LGR5: variants seen among roughly 807,000 people sequenced by gnomAD.
The protein encoded by LGR5 is leucine-rich repeat-containing G protein-coupled receptor 5.
LGR5 carries 54 observed loss-of-function variants against 76.7 expected under a neutral mutation model. The observed-to-expected ratio is 0.70, with a 90% CI of 0.57 to 0.88. The LOEUF (loss-of-function observed/expected upper bound fraction) is 0.88, where lower values mean the gene tolerates loss of function less well. Among genes scored for constraint, LGR5 ranks in the 40% least tolerant of loss-of-function variants. LGR5 has a pLI of 0.00. For synonymous variants in LGR5, 406 were observed against 421.9 expected (o/e 0.96, Z 0.46); for missense variants, 1,078 against 1,073.3 (o/e 1.00, Z -0.06).
At position 71,557,035 on chromosome 12, in the gene LGR5, G is replaced by T. The variant is rs145445298; in HGVS notation, c.716+345G>T. 7.7e-3 allele frequency among the ~76,000 whole-genome samples: 1,170 copies of T among 152,312 alleles called. 9 individuals carry two copies. The highest frequency in any genetic ancestry group is 0.026 in the African/African-American group (1,099 of 41,570). Reference sequence around the variant, plus strand: ...TCTGGTACTCCCTGCTGAATGAGAGGATGCAGGCCAGGCCAATGCCTGCGT... The same window carrying T: ...TCTGGTACTCCCTGCTGAATGAGAGTATGCAGGCCAGGCCAATGCCTGCGT... On this transcript the variant is annotated intron_variant, in intron 6 of 17. Transcript: ENST00000266674.
intron 4 of LGR5, 63 bp from the exon 5 acceptor site, chr12:71,553,010 G>C: frequency 6.6e-7 from 1 of 1,510,238 alleles, no homozygotes. Flanking sequence ...GGGTTTTCCT[G>C]CAAAGTTGAC....
rs201779813 is a variant in LGR5 at position 71,566,907 on chromosome 12, A to G, written c.1065A>G (p.Gln355=). ...TCTGCAATCAGTTACCTAATCTCCA[A>G]GTGCTGTGCGTATCAGTAAGGCAAT... ...QTVCNQLPNL[Q]VLDLSYNLLE... Residue 355 remains glutamine (Q), a synonymous_variant, in exon 11 of 18, where the codon CAA becomes CAG. Transcript: ENST00000266674. The G allele has an allele frequency of 5.4e-5, 87 of 1,611,104 alleles. No homozygotes were observed. Among genetic ancestry groups the G allele is most frequent in the Non-Finnish European group, 7.2e-5 (85 of 1,177,392 alleles).
At chr12:71,443,708 G>A (rs763043245) in intron 1 of LGR5, among the ~76,000 whole-genome samples, 2 of 152,132 alleles carry the variant, frequency 1.3e-5, no homozygotes, top group Non-Finnish European at 2.9e-5. Context: ...ACTTTGATGT[G>A]TCTGTCTAGT....
chr12:71,498,731 G>A (rs1874448980), intron 1 of LGR5, among the ~76,000 whole-genome samples: 1 of 152,206 alleles, frequency 6.6e-6, no homozygotes, highest in South Asian at 2.1e-4. Flanking sequence ...ACACAGTAAT[G>A]TGCTGTATTA....
intron 1 of LGR5, among the ~76,000 whole-genome samples, chr12:71,459,207 C>T (rs1872599590): frequency 6.6e-6 from 1 of 152,108 alleles, no homozygotes; most frequent in African/African-American, 2.4e-5. Flanking sequence ...AGGCAAAGCA[C>T]TCTGCAGTTG....
In LGR5 at chr12:71,584,329, C is replaced by T. The variant is rs779305409; in HGVS notation, c.2319C>T (p.Phe773=). 19 of 1,614,248 alleles carry T rather than the reference C, an allele frequency of 1.2e-5. No individual in the cohort carries two copies. The highest frequency in any genetic ancestry group is 1.6e-5 in the Non-Finnish European group (19 of 1,180,044). Reference sequence around the variant, plus strand: ...TAAAACACATTGCCCTGTTGCTCTTCACCAACTGCATCCTAAACTGCCCTG... The same window carrying T: ...TAAAACACATTGCCCTGTTGCTCTTTACCAACTGCATCCTAAACTGCCCTG... The part of the protein sequence containing the change: ...SMVKHIALLL[F]TNCILNCPVA... Residue 773 remains phenylalanine, a synonymous_variant, in exon 18 of 18, where the codon TTC becomes TTT. Transcript: ENST00000266674.
In LGR5 at chr12:71,556,669, G is replaced by A; in HGVS notation, c.695G>A (p.Gly232Glu). Residue 232 changes from glycine (G) to glutamate (E), a missense_variant, in exon 6 of 18, where the codon GGG (glycine) becomes GAG (glutamate). Transcript: ENST00000266674. ...TCCCTGGGAAAGAAATGCTTTGATG[G>A]GCTCCACAGCCTAGAGACTTTGTGA... ...IHSLGKKCFDGLHSLETLDLN... is the reference protein window; with the variant it reads ...IHSLGKKCFDELHSLETLDLN... 3 of 1,611,476 alleles carry A rather than the reference G, an allele frequency of 1.9e-6. No homozygotes were observed. The Middle Eastern group carries it at 5.0e-4, about 266-fold the overall frequency.
chr12:71,536,291 G>A (rs1876581629), intron 4 of LGR5, among the ~76,000 whole-genome samples: 1 of 152,200 alleles, frequency 6.6e-6, no homozygotes, highest in Non-Finnish European at 1.5e-5. Context: ...AACATAGAAG[G>A]AGGACTGTGA....
rs1379841662 is a variant in LGR5, at chr12:71,585,831, G to A, written c.*1097G>A. The stretch of plus-strand genomic sequence containing the variant: ...CTCTGGATAACCCACTTGATGTTAG[G>A]AACATTACTTCTCTGCTTATTCCAT... On this transcript the variant is annotated 3_prime_UTR_variant, in exon 18 of 18. Transcript: ENST00000266674. The A allele has an allele frequency of 6.6e-6, 1 of 152,100 alleles. No homozygotes were observed. Among genetic ancestry groups the A allele is most frequent in the East Asian group, 1.9e-4 (1 of 5,192 alleles). 9.4% of individuals were successfully genotyped at this position (152,100 alleles called of 1,614,324 possible).
intron 1 of LGR5, among the ~76,000 whole-genome samples, chr12:71,502,259 A>G (rs1218773900): frequency 7.1e-6 from 1 of 141,298 alleles, no homozygotes; most frequent in Non-Finnish European, 1.5e-5. Context: ...GTGCAATGGT[A>G]CAACCTCAGC....
chr12:71,453,313 T>C (rs1872325832), intron 1 of LGR5, among the ~76,000 whole-genome samples: 1 of 152,234 alleles, frequency 6.6e-6, no homozygotes, highest in African/African-American at 2.4e-5. Context: ...TTGAAGACAC[T>C]GCACAAATCT....
At chr12:71,478,723 A>C (rs1403705310) in intron 1 of LGR5, among the ~76,000 whole-genome samples, 1 of 152,232 alleles carries the variant, frequency 6.6e-6, no homozygotes, top group African/African-American at 2.4e-5. Context: ...GTTTAAAATA[A>C]ACACATAGGT....
rs4287406 is a variant in LGR5, at chr12:71,495,078, C to T, written c.213-9536C>T. ...ATGGCCCAAGGATTTGGGGCGTAGTCGGGGGGGGTCTCCTTTGAATCCCAC... is the reference window on the plus strand; with the variant it reads ...ATGGCCCAAGGATTTGGGGCGTAGTTGGGGGGGGTCTCCTTTGAATCCCAC... On this transcript the variant is annotated intron_variant, in intron 1 of 17. Coordinates refer to ENST00000266674, the MANE Select transcript of LGR5 (RefSeq NM_003667.4). Among the ~76,000 whole-genome samples, 42 of 148,264 alleles carry T rather than the reference C, an allele frequency of 2.8e-4. 1 individual carries two copies. Among genetic ancestry groups the T allele is most frequent in the South Asian group, 1.3e-3 (6 of 4,742 alleles).
chr12:71,553,433 A>G (rs1387138941), intron 5 of LGR5, 145 bp downstream of exon 5: 6 of 657,116 alleles, frequency 9.1e-6, no homozygotes, highest in Non-Finnish European at 1.6e-5. Context: ...ATGACTTATA[A>G]ATGCTCCAAT....
intron 4 of LGR5, among the ~76,000 whole-genome samples, chr12:71,541,930 A>T (rs1301704369): frequency 6.6e-6 from 1 of 152,236 alleles, no homozygotes; most frequent in Non-Finnish European, 1.5e-5. Flanking sequence ...ATGGGCACTG[A>T]TGAAAAGAAG....
intron 1 of LGR5, among the ~76,000 whole-genome samples, chr12:71,498,856 T>A (rs1321945948): frequency 6.6e-6 from 1 of 152,206 alleles, no homozygotes; most frequent in East Asian, 1.9e-4. Flanking sequence ...GTTATTTCCA[T>A]GCAGTAAGAG....
chr12:71,562,210 T>G (rs1878096666), intron 8 of LGR5, among the ~76,000 whole-genome samples: 1 of 152,168 alleles, frequency 6.6e-6, no homozygotes. Context: ...ATACTAGAAA[T>G]ATAAATTATT....
At chr12:71,510,367 G>A (rs551066900) in intron 2 of LGR5, among the ~76,000 whole-genome samples, 1 of 152,220 alleles carries the variant, frequency 6.6e-6, no homozygotes, top group East Asian at 1.9e-4. Flanking sequence ...TATGTTTGTG[G>A]TGTATATCTT....
chr12:71,572,739 C>T (rs1878669865), intron 12 of LGR5, 111 bp from the exon 13 acceptor site: 2 of 728,266 alleles, frequency 2.7e-6, no homozygotes, highest in East Asian at 2.6e-5. Context: ...AGATACACTT[C>T]ATGTGTTCCT....
Sources: gnomAD v4.1 joint callset for allele counts (sites outside exome capture counted in the v4.1 genomes callset) on GRCh38, gnomAD v4.1.1 for gene constraint, MANE v1.5 for transcripts, NCBI Gene and HGNC (gene_info 2026-07-23, HGNC 2026-07-21) for gene names.